The following EXOC6 variants were observed in gnomAD, a reference collection of about 807,000 sequenced individuals.
EXOC6 encodes exocyst complex component 6.
A neutral mutation model predicts 112.5 loss-of-function variants in EXOC6; 60 were observed. The observed-to-expected ratio is 0.53, with a 90% confidence interval of 0.43 to 0.66. EXOC6 has a LOEUF of 0.66. Ranked by LOEUF, EXOC6 falls within the 30% of genes least tolerant of loss-of-function variation. EXOC6 has a pLI of 0.00. For synonymous variants in EXOC6, 295 were observed against 308.0 expected, an observed-to-expected ratio of 0.96 and a Z score of 0.44; for missense variants, 855 against 957.1, an observed-to-expected ratio of 0.89 and a Z score of 1.41.
Position 92,896,164 on chromosome 10 carries a change from TATATATATATATATATA to T in EXOC6, c.412+1145_412+1161del, listed in dbSNP as rs1261183398. ...ATGTATGTGTATATATATATATATATATATATATATATATATATTTTTTTTTTTTTTTTTTTTTTTTT... is the reference window on the plus strand; with the variant it reads ...ATGTATGTGTATATATATATATATATTTTTTTTTTTTTTTTTTTTTTTTTT... On this transcript the variant is annotated intron_variant, in intron 4 of 21. Coordinates refer to ENST00000260762, the MANE Select transcript of EXOC6 (RefSeq NM_019053.6). 3.3e-3 allele frequency among the ~76,000 whole-genome samples: 90 copies of T among 27,180 alleles called. 7 individuals are homozygous for T. Among genetic ancestry groups the T allele is most frequent in the Non-Finnish European group, 4.8e-3 (75 of 15,772 alleles). 17.8% of individuals were successfully genotyped at this position (27,180 alleles called of 152,430 possible). A position where few individuals can be genotyped will look rare whatever the true frequency, so the allele number is the denominator to read the frequency against.
chr10:92,964,654 T>C (rs1210656220), intron 17 of EXOC6, among the ~76,000 whole-genome samples: 2 of 152,162 alleles, frequency 1.3e-5, no homozygotes, highest in South Asian at 4.1e-4. Context: ...TTAATCAGGG[T>C]TATTAACAGA....
At chr10:92,957,228 G>C (rs535980642) in intron 17 of EXOC6, among the ~76,000 whole-genome samples, 1 of 152,166 alleles carries the variant, frequency 6.6e-6, no homozygotes, top group South Asian at 2.1e-4. Context: ...CTGTCAAGAA[G>C]GGATTTCTCA....
At chr10:92,830,149 C>T (rs1389847159), upstream of EXOC6, among the ~76,000 whole-genome samples, 2 of 152,112 alleles carry the variant, frequency 1.3e-5, no homozygotes, top group Non-Finnish European at 2.9e-5. Context: ...TTTTCTTTCA[C>T]TTTATGGATT....
At chr10:92,974,590 C>CCCTCG (rs58258976) in intron 18 of EXOC6, among the ~76,000 whole-genome samples, 1 of 144,384 alleles carries the variant, frequency 6.9e-6, no homozygotes, top group Admixed American at 6.7e-5. Flanking sequence ...CTCTCCCTCT[C>CCCTCG]TTTCCACGTC....
At chr10:93,057,090 T>C (rs1369900461) in intron 21 of EXOC6, 54 bp downstream of exon 21, 1 of 914,308 alleles carries the variant, frequency 1.1e-6, no homozygotes, top group African/African-American at 1.8e-5. Flanking sequence ...TTTGATTCAG[T>C]GATAAACTGA....
At chr10:92,952,197 T>C in intron 14 of EXOC6, 76 bp from the exon 15 acceptor site, 1 of 864,710 alleles carries the variant, frequency 1.2e-6, no homozygotes, top group African/African-American at 1.7e-5. Flanking sequence ...GAAATCAATT[T>C]AATTTTACAT....
At chr10:92,896,325 G>A (rs1352137769) in intron 4 of EXOC6, among the ~76,000 whole-genome samples, 2 of 144,536 alleles carry the variant, frequency 1.4e-5, no homozygotes, top group Non-Finnish European at 3.0e-5. Context: ...AGCCTCCTGA[G>A]TAGCTGGGAT....
intron 14 of EXOC6, among the ~76,000 whole-genome samples, chr10:92,948,663 T>C (rs1158508120): frequency 6.6e-6 from 1 of 151,786 alleles, no homozygotes; most frequent in African/African-American, 2.4e-5. Context: ...CTGGGCCTAC[T>C]AGAAGTAGTT....
intron 17 of EXOC6, among the ~76,000 whole-genome samples, chr10:92,971,060 C>T (rs915723150): frequency 2.0e-5 from 3 of 151,254 alleles, no homozygotes; most frequent in Non-Finnish European, 4.4e-5. Flanking sequence ...GATTTTTTTT[C>T]TTTTTTTTTG....
At chr10:92,900,535 GC>G (rs1426761121) in intron 5 of EXOC6, 1 of 151,538 alleles carries the variant, frequency 6.6e-6, no homozygotes, top group Non-Finnish European at 1.5e-5. Context: ...TAATAAACAA[GC>G]CAAAAACTAT....
Position 92,952,419 on chromosome 10 carries a change from C to T in EXOC6, c.1526+37C>T, listed in dbSNP as rs116267292. On this transcript the variant is annotated intron_variant, in intron 15 of 21. Transcript: ENST00000260762. ...AATCACAAATGCATTTTTGTCATAA[C>T]TTTTATGAAACATTAATACTTTATT... 2.3e-3 allele frequency: 2,823 copies of T among 1,245,280 alleles called. 57 individuals carry two copies. The African/African-American group carries it at 0.038, about 17-fold the overall frequency. 77.1% of individuals were successfully genotyped at this position (1,245,280 alleles called of 1,614,324 possible).
intron 20 of EXOC6, among the ~76,000 whole-genome samples, chr10:93,036,184 C>T (rs1473364174): frequency 1.3e-5 from 2 of 150,826 alleles, no homozygotes; most frequent in African/African-American, 4.9e-5. Context: ...CACCATTGCA[C>T]TCCAGCCTGG....
intron 1 of EXOC6, among the ~76,000 whole-genome samples, chr10:92,876,893 T>A (rs1209781065): frequency 6.6e-6 from 1 of 152,218 alleles, no homozygotes; most frequent in African/African-American, 2.4e-5. Flanking sequence ...CTACTTTCCC[T>A]TTTCATTCAT....
chr10:93,013,144 G>A (rs1403478569), intron 19 of EXOC6, among the ~76,000 whole-genome samples: 1 of 152,068 alleles, frequency 6.6e-6, no homozygotes. Context: ...TGAGCCAAGT[G>A]TTTTAAGTTT....
intron 4 of EXOC6, among the ~76,000 whole-genome samples, chr10:92,897,751 G>A (rs1849906050): frequency 6.6e-6 from 1 of 152,146 alleles, no homozygotes; most frequent in African/African-American, 2.4e-5. Flanking sequence ...TCAGTGGAAG[G>A]CTGATCAAGG....
At position 92,909,474 on chromosome 10, in the gene EXOC6, T is replaced by G; in HGVS notation, c.506T>G (p.Phe169Cys). ...KTMEQLENVY[F>C]PWVSQYRFCQ... The stretch of plus-strand genomic sequence containing the variant: ...ATGGAACAATTAGAGAATGTGTACT[T>G]TCCCTGGGTTAGTCAATACCGGTTT... Residue 169 changes from phenylalanine to cysteine, a missense_variant, in exon 6 of 22, where the codon TTT becomes TGT. Physicochemically the swap from Phe to Cys is radical, Grantham distance 205. Coordinates refer to ENST00000260762, the MANE Select transcript of EXOC6 (RefSeq NM_019053.6). 6.2e-7 allele frequency: 1 copy of G among 1,613,624 alleles called. No homozygotes were observed. Among genetic ancestry groups the G allele is most frequent in the Non-Finnish European group, 8.5e-7 (1 of 1,179,714 alleles).
chr10:92,911,926 TCTCTCTGTGTGC>T (rs1341621211), intron 6 of EXOC6, among the ~76,000 whole-genome samples: 7 of 127,140 alleles, frequency 5.5e-5, no homozygotes, highest in South Asian at 3.0e-4. Flanking sequence ...TCTCTCTCTC[TCTCTCTGTGTGC>T]GTGTGTGTGT....
At chr10:92,831,367 A>G, upstream of EXOC6, 1 of 1,283,084 alleles carries the variant, frequency 7.8e-7, no homozygotes, top group Non-Finnish European at 1.0e-6. Flanking sequence ...AGTAAGTCAA[A>G]GCAATAGTGG....
intron 6 of EXOC6, among the ~76,000 whole-genome samples, chr10:92,913,288 T>C (rs148075645): frequency 4.4e-4 from 67 of 152,362 alleles, no homozygotes; most frequent in African/African-American, 1.6e-3. Flanking sequence ...TGCTTCTAAA[T>C]ACCTGTAGAT....
Sources: gnomAD v4.1 joint callset for allele counts (sites outside exome capture counted in the v4.1 genomes callset) on GRCh38, gnomAD v4.1.1 for gene constraint, MANE v1.5 for transcripts, NCBI Gene and HGNC (gene_info 2026-07-23, HGNC 2026-07-21) for gene names.